PDGFD: variants seen among roughly 807,000 people sequenced by gnomAD.
PDGFD encodes platelet-derived growth factor D.
A neutral mutation model predicts 44.7 loss-of-function variants in PDGFD; 30 were observed. The observed-to-expected ratio is 0.67, with a 90% CI of 0.50 to 0.91. The LOEUF (loss-of-function observed/expected upper bound fraction) is 0.91, where lower values mean the gene tolerates loss of function less well. Ranked by LOEUF, PDGFD falls within the 40% of genes least tolerant of loss-of-function variation. PDGFD has a pLI of 0.00. For synonymous variants in PDGFD, 173 were observed against 168.4 expected (o/e 1.03, Z -0.21); for missense variants, 445 against 457.8 (o/e 0.97, Z 0.25).
chr11:104,084,787 A>ATATAAAATATATATTTTATAATTAT, intron 1 of PDGFD, among the ~76,000 whole-genome samples: 1 of 133,096 alleles, frequency 7.5e-6, no homozygotes, highest in African/African-American at 3.0e-5. Context: ...ACATAAAATA[A>ATATAAAATATATATTTTATAATTAT]TATAAAATAT....
At chr11:103,977,484 C>T (rs1471240747) in intron 3 of PDGFD, among the ~76,000 whole-genome samples, 1 of 152,050 alleles carries the variant, frequency 6.6e-6, no homozygotes, top group Non-Finnish European at 1.5e-5. Flanking sequence ...CGTCAAAAAG[C>T]TTGTCCACCA....
chr11:104,121,548 A>T (rs1341294816), intron 1 of PDGFD, among the ~76,000 whole-genome samples: 1 of 152,078 alleles, frequency 6.6e-6, no homozygotes, highest in Non-Finnish European at 1.5e-5. Context: ...ATAGTAAAAA[A>T]TGAATTACTA....
intron 3 of PDGFD, among the ~76,000 whole-genome samples, chr11:103,993,227 CTGTTT>C (rs1419754887): frequency 6.6e-6 from 1 of 151,854 alleles, no homozygotes; most frequent in East Asian, 1.9e-4. Context: ...GCCATCATGC[CTGTTT>C]TGTTTTGTTT....
At chr11:103,961,169 T>C (rs1281734453) in intron 3 of PDGFD, among the ~76,000 whole-genome samples, 2 of 152,182 alleles carry the variant, frequency 1.3e-5, no homozygotes, top group African/African-American at 4.8e-5. Context: ...CCTGTTAACC[T>C]TTTACATTCA....
intron 3 of PDGFD, among the ~76,000 whole-genome samples, chr11:103,955,854 A>T (rs1464821553): frequency 5.3e-5 from 8 of 152,236 alleles, no homozygotes; most frequent in African/African-American, 1.4e-4. Flanking sequence ...CTGATTTAAG[A>T]GTTAATTTTA....
Position 104,084,445 on chromosome 11 carries a change from G to A in PDGFD, c.124+79359C>T, listed in dbSNP as rs375989656. On this transcript the variant is annotated intron_variant, in intron 1 of 6. Coordinates refer to ENST00000393158, the MANE Select transcript of PDGFD (RefSeq NM_025208.5). ...GGCTGGTATAAATGGCCTGAGCTCA[G>A]TATGTTGAAGAAACAGAAGAGAGAA... is the stretch of plus-strand genomic sequence containing the variant. Among the ~76,000 whole-genome samples the A allele has an allele frequency of 3.9e-5, 6 of 152,160 alleles. No individual in the cohort carries two copies. In the East Asian group the frequency reaches 1.2e-3, roughly 29 times the overall value.
chr11:104,144,507 CAAAAAA>C (rs201864924), intron 1 of PDGFD, among the ~76,000 whole-genome samples: 62 of 73,810 alleles, frequency 8.4e-4, no homozygotes, highest in African/African-American at 3.3e-3. Flanking sequence ...ACTCCGTCAC[CAAAAAA>C]AAAAAAAAAA....
At chr11:103,984,403 CT>C (rs1405561058) in intron 3 of PDGFD, among the ~76,000 whole-genome samples, 1 of 151,424 alleles carries the variant, frequency 6.6e-6, no homozygotes, top group Admixed American at 6.6e-5. Context: ...ACACTGGGGC[CT>C]TTCAAAGGGT....
chr11:104,111,157 G>A (rs962506846), intron 1 of PDGFD, among the ~76,000 whole-genome samples: 5 of 151,334 alleles, frequency 3.3e-5, no homozygotes, highest in South Asian at 2.1e-4. Flanking sequence ...TATTACCTAC[G>A]CTTATCCAAT....
chr11:104,128,433 A>G (rs561181692), intron 1 of PDGFD, among the ~76,000 whole-genome samples: 1 of 152,232 alleles, frequency 6.6e-6, no homozygotes, highest in East Asian at 1.9e-4. Flanking sequence ...ACAGCAAACA[A>G]AACACCGATT....
rs549257601 is a variant in PDGFD at position 103,958,021 on chromosome 11, A to G, written c.511-10297T>C. ...TCTGTTGCCGAAGAGCTAGGTTCAGATTTAAATTTTGTGACTAGTTGTTTA... is the reference window on the plus strand; with the variant it reads ...TCTGTTGCCGAAGAGCTAGGTTCAGGTTTAAATTTTGTGACTAGTTGTTTA... On this transcript the variant is annotated intron_variant, in intron 3 of 6. Transcript: ENST00000393158. 6.6e-5 allele frequency among the ~76,000 whole-genome samples: 10 copies of G among 152,108 alleles called. No homozygotes were observed. In the East Asian group the frequency reaches 1.4e-3, roughly 21 times the overall value.
chr11:103,939,151 G>A (rs1648329549), intron 5 of PDGFD, among the ~76,000 whole-genome samples: 1 of 152,036 alleles, frequency 6.6e-6, no homozygotes, highest in South Asian at 2.1e-4. Context: ...TGGGCAGTAT[G>A]GCCATTTTCA....
rs532359946 is a variant in PDGFD at position 104,154,613 on chromosome 11, G to C, written c.124+9191C>G. On this transcript the variant is annotated intron_variant, in intron 1 of 6. Transcript: ENST00000393158. ...AACAACTTTTGCGTATTGTGGGACA[G>C]TGCAAAGAAACTAGAACATACCTGT... Among the ~76,000 whole-genome samples, 10 of 152,312 alleles carry C rather than the reference G, an allele frequency of 6.6e-5. 1 individual carries two copies. The South Asian group carries it at 2.1e-3, about 32-fold the overall frequency.
At chr11:104,135,757 A>C (rs1372008091) in intron 1 of PDGFD, among the ~76,000 whole-genome samples, 1 of 152,148 alleles carries the variant, frequency 6.6e-6, no homozygotes, top group African/African-American at 2.4e-5. Context: ...ACTTTAGAAA[A>C]CACTGGGATG....
At chr11:103,911,312 A>T (rs917244347) in intron 6 of PDGFD, among the ~76,000 whole-genome samples, 4 of 152,274 alleles carry the variant, frequency 2.6e-5, no homozygotes, top group Admixed American at 2.0e-4. Context: ...TTAGGGGCCA[A>T]TAGACATTTC....
At chr11:103,996,350 C>T in intron 2 of PDGFD, 105 bp from the exon 3 acceptor site, 1 of 1,003,880 alleles carries the variant, frequency 1.0e-6, no homozygotes, top group Non-Finnish European at 1.5e-6. Flanking sequence ...GTCATGACCA[C>T]AATCTGAAAT....
chr11:103,951,605 C>A (rs76858255), intron 3 of PDGFD, among the ~76,000 whole-genome samples: 5,168 of 152,262 alleles, frequency 0.034, 124 homozygotes, highest in African/African-American at 0.061. Flanking sequence ...TCCACTCCTG[C>A]TACACTGGCC....
At chr11:104,051,047 C>T (rs1720044065) in intron 1 of PDGFD, among the ~76,000 whole-genome samples, 1 of 151,902 alleles carries the variant, frequency 6.6e-6, no homozygotes, top group Non-Finnish European at 1.5e-5. Flanking sequence ...AGCAGCAAAA[C>T]AGTTTATAGA....
chr11:104,125,411 C>T (rs981963656), intron 1 of PDGFD, among the ~76,000 whole-genome samples: 5 of 151,878 alleles, frequency 3.3e-5, no homozygotes, highest in Non-Finnish European at 5.9e-5. Flanking sequence ...ACTCATGCAC[C>T]TTTTTTCTGT....
Sources: allele counts gnomAD v4.1 joint callset (sites outside exome capture counted in the v4.1 genomes callset), GRCh38; gene constraint gnomAD v4.1.1; transcripts MANE v1.5; gene names NCBI Gene and HGNC (gene_info 2026-07-23, HGNC 2026-07-21).